The following FMN1 variants were observed in gnomAD, a reference collection of about 807,000 sequenced individuals.
The protein encoded by FMN1 is formin 1.
FMN1 carries 110 observed loss-of-function variants against 132.4 expected under a neutral mutation model. The observed-to-expected ratio is 0.83, with a 90% CI of 0.71 to 0.97. The LOEUF (loss-of-function observed/expected upper bound fraction) is 0.97, where lower values mean the gene tolerates loss of function less well. Ranked by LOEUF, FMN1 falls within the 50% of genes least tolerant of loss-of-function variation. The probability of loss-of-function intolerance (pLI) is 0.00; values close to 1 mark genes in which losing one functional copy is unlikely to be tolerated. For synonymous variants in FMN1, 722 were observed against 651.7 expected, an observed-to-expected ratio of 1.11 and a Z score of -1.64; for missense variants, 1,792 against 1,705.3, an observed-to-expected ratio of 1.05 and a Z score of -0.90.
intron 6 of FMN1, among the ~76,000 whole-genome samples, chr15:33,017,150 A>AG (rs71113494): frequency 6.6e-6 from 1 of 151,060 alleles, no homozygotes; most frequent in Non-Finnish European, 1.5e-5. Context: ...AAAAAAAAAA[A>AG]GTGGTTGCCA....
chr15:32,868,860 T>C (rs1188131785), intron 16 of FMN1, among the ~76,000 whole-genome samples: 1 of 152,150 alleles, frequency 6.6e-6, no homozygotes, highest in Non-Finnish European at 1.5e-5. Flanking sequence ...TAATGAGACC[T>C]ACTGGTCATT....
chr15:32,804,369 C>T lies in FMN1; in HGVS notation c.3929-37G>A, dbSNP rs530130075. On this transcript the variant is annotated intron_variant, in intron 17 of 20. Transcript: ENST00000616417. ...AAATCATGATTAAAAATTTTTTCTT[C>T]TGTTGTCTCCTTTGCGTAATCTTAC... 1.1e-4 allele frequency: 136 copies of T among 1,293,004 alleles called. 1 individual carries two copies. In the South Asian group the frequency reaches 1.6e-3, roughly 15 times the overall value. The allele number at this position is 1,293,004 out of a possible 1,614,324, so 80.1% of individuals were successfully genotyped here. A position where few individuals can be genotyped will look rare whatever the true frequency, so the allele number is the denominator to read the frequency against.
At chr15:32,991,159 C>A (rs1447642723) in intron 7 of FMN1, among the ~76,000 whole-genome samples, 1 of 152,100 alleles carries the variant, frequency 6.6e-6, no homozygotes, top group Non-Finnish European at 1.5e-5. Flanking sequence ...ATTTATAGCC[C>A]ATAGACAAAG....
At chr15:32,833,100 GTTTA>G (rs1052717968) in intron 17 of FMN1, among the ~76,000 whole-genome samples, 1 of 152,088 alleles carries the variant, frequency 6.6e-6, no homozygotes, top group Admixed American at 6.5e-5. Context: ...CCCAGCAGCT[GTTTA>G]TTAAATGCCC....
At chr15:33,049,566 TG>T (rs2036870490) in intron 6 of FMN1, among the ~76,000 whole-genome samples, 1 of 152,176 alleles carries the variant, frequency 6.6e-6, no homozygotes, top group African/African-American at 2.4e-5. Context: ...ATTGAGAAAA[TG>T]ACCAAAAGAG....
At chr15:33,124,081 G>T (rs915978400) in intron 4 of FMN1, among the ~76,000 whole-genome samples, 1 of 152,158 alleles carries the variant, frequency 6.6e-6, no homozygotes, top group East Asian at 1.9e-4. Flanking sequence ...TCCATAAACA[G>T]ATCACAGTGA....
intron 17 of FMN1, among the ~76,000 whole-genome samples, chr15:32,823,104 C>T (rs1228373920): frequency 8.6e-5 from 13 of 151,588 alleles, no homozygotes; most frequent in Non-Finnish European, 1.6e-4. Flanking sequence ...TCTCTCCTAC[C>T]CACGAGCCCC....
intron 16 of FMN1, among the ~76,000 whole-genome samples, chr15:32,873,308 T>TA (rs775303058): frequency 6.6e-5 from 10 of 152,154 alleles, no homozygotes; most frequent in Non-Finnish European, 1.0e-4. Flanking sequence ...TGTTTGAAAA[T>TA]AGAGTTGAAT....
chr15:33,100,951 G>A (rs1053273513), intron 4 of FMN1, among the ~76,000 whole-genome samples: 6 of 152,068 alleles, frequency 3.9e-5, no homozygotes, highest in East Asian at 3.9e-4. Context: ...CATCAAGTAT[G>A]AAATACAATT....
At chr15:32,951,705 A>C (rs774689487) in intron 9 of FMN1, among the ~76,000 whole-genome samples, 1 of 152,200 alleles carries the variant, frequency 6.6e-6, no homozygotes, top group African/African-American at 2.4e-5. Flanking sequence ...ACTACATTTT[A>C]ATTTTCACAA....
chr15:33,097,316 A>AAGAGAG (rs3081677), intron 4 of FMN1, among the ~76,000 whole-genome samples: 2 of 147,246 alleles, frequency 1.4e-5, no homozygotes, highest in Non-Finnish European at 1.5e-5. Context: ...AAAAAAAAAA[A>AAGAGAG]AGAGAGAGAG....
chr15:33,054,449 A>C (rs564260738), intron 6 of FMN1, among the ~76,000 whole-genome samples: 48 of 152,300 alleles, frequency 3.2e-4, no homozygotes, highest in African/African-American at 1.1e-3. Context: ...GGTTTGGATC[A>C]AGTAAAGGTG....
rs746675773 is a variant in FMN1 at position 33,153,746 on chromosome 15, C to T, written c.1169G>A (p.Arg390Gln). The T allele has an allele frequency of 2.0e-5, 31 of 1,536,134 alleles. No individual in the cohort carries two copies. The highest frequency in any genetic ancestry group is 7.3e-5 in the East Asian group (3 of 40,920). ...CGACTGCGATGACCTATCCCCTTGC[C>T]GCTCCTTGCCCTGCCGCCTGGAGCC... ...AHGSRRQGKERQGDRSSQSPA... is the reference protein window; with the variant it reads ...AHGSRRQGKEQQGDRSSQSPA... Residue 390 changes from arginine to glutamine, a missense_variant, in exon 4 of 21, where the codon CGG becomes CAG. Transcript: ENST00000616417.
At chr15:32,909,832 A>C (rs1169918150) in intron 11 of FMN1, among the ~76,000 whole-genome samples, 1 of 152,074 alleles carries the variant, frequency 6.6e-6, no homozygotes, top group Non-Finnish European at 1.5e-5. Context: ...AGTCCTGTTG[A>C]CTTTCAAAAT....
chr15:33,086,041 G>A (rs1173356221), intron 5 of FMN1, among the ~76,000 whole-genome samples: 3 of 152,048 alleles, frequency 2.0e-5, no homozygotes, highest in Non-Finnish European at 4.4e-5. Flanking sequence ...CATGAGGCCA[G>A]GAGATCCAGA....
intron 17 of FMN1, among the ~76,000 whole-genome samples, chr15:32,854,398 AT>A (rs1180991700): frequency 1.3e-5 from 2 of 152,264 alleles, no homozygotes; most frequent in Non-Finnish European, 2.9e-5. Context: ...CTTTTCTACC[AT>A]ACGGTATTGG....
chr15:32,774,609 C>T (rs1413496367), intron 20 of FMN1, among the ~76,000 whole-genome samples: 2 of 152,132 alleles, frequency 1.3e-5, no homozygotes, highest in Non-Finnish European at 2.9e-5. Context: ...AAACACGGGC[C>T]TTTACCATGC....
chr15:33,121,475 T>C (rs76574973), intron 4 of FMN1, among the ~76,000 whole-genome samples: 1 of 152,296 alleles, frequency 6.6e-6, no homozygotes, highest in Non-Finnish European at 1.5e-5. Flanking sequence ...AAGGTAGAAA[T>C]CATTTGTCTA....
intron 6 of FMN1, among the ~76,000 whole-genome samples, chr15:33,035,482 C>T (rs2036147802): frequency 6.6e-6 from 1 of 152,178 alleles, no homozygotes; most frequent in South Asian, 2.1e-4. Flanking sequence ...TCCTAGCTAA[C>T]TGCTTTACTG....
Sources: gnomAD v4.1 joint callset for allele counts (sites outside exome capture counted in the v4.1 genomes callset) on GRCh38, gnomAD v4.1.1 for gene constraint, MANE v1.5 for transcripts, NCBI Gene and HGNC (gene_info 2026-07-23, HGNC 2026-07-21) for gene names.